Variants in KIAA1549L observed in about 807,000 individuals in gnomAD.
KIAA1549L encodes the protein KIAA1549 like.
KIAA1549L carries 88 observed loss-of-function variants against 160.7 expected under a neutral mutation model. That is an observed-to-expected ratio of 0.55 (90% CI 0.46 to 0.65). KIAA1549L has a LOEUF of 0.65. KIAA1549L is among the 30% of genes least tolerant of loss of function. The probability of loss-of-function intolerance (pLI) is 0.00; values close to 1 mark genes in which losing one functional copy is unlikely to be tolerated. For synonymous variants in KIAA1549L, 950 were observed against 976.7 expected, an observed-to-expected ratio of 0.97 and a Z score of 0.51; for missense variants, 2,258 against 2,437.5, an observed-to-expected ratio of 0.93 and a Z score of 1.55.
At chr11:33,469,547 A>T (rs1026039206) in intron 1 of KIAA1549L, among the ~76,000 whole-genome samples, 10 of 152,160 alleles carry the variant, frequency 6.6e-5, no homozygotes, top group African/African-American at 2.4e-4. Context: ...CTAGGAATGG[A>T]ATTGCTGGAT....
chr11:33,376,872 A>T lies in KIAA1549L; in HGVS notation c.221A>T (p.His74Leu), dbSNP rs146878629. The T allele has an allele frequency of 0.03, 4,500 of 152,238 alleles. 96 individuals carry two copies. The highest frequency in any genetic ancestry group is 0.044 in the Non-Finnish European group (3,028 of 68,072). The allele number at this position is 152,238 out of a possible 1,614,324, so 9.4% of individuals were successfully genotyped here. The change falls in exon 1 of 21, where the codon CAC (histidine) becomes CTC (leucine). Residue 74 changes from histidine to leucine, a missense_variant. Physicochemically the swap from His to Leu is moderately conservative, Grantham distance 99. This residue lies in a region of KIAA1549L where 540 missense variants were observed against 465.7 expected (regional missense o/e 1.16). Transcript: ENST00000658780. This position sits in a 1 kb window ranked among gnomAD's most constrained non-coding sequence, Gnocchi z 5.8. ...GLLLLAALLE[H>L]GQADPGTDNL... is the part of the protein sequence containing the mutation. ...CTGCTGCTGGCGGCCCTCCTGGAGC[A>T]CGGCCAGGCCGACCCGGGTAAGCGC...
At chr11:33,390,326 G>C (rs1023054837) in intron 1 of KIAA1549L, among the ~76,000 whole-genome samples, 2 of 152,168 alleles carry the variant, frequency 1.3e-5, no homozygotes, top group Non-Finnish European at 2.9e-5. Context: ...TTCTTCCTAT[G>C]GCCCAGTTCA....
chr11:33,591,085 C>T (rs746062192), intron 11 of KIAA1549L, among the ~76,000 whole-genome samples, 152 bp from the exon 12 acceptor site: 16 of 152,238 alleles, frequency 1.1e-4, no homozygotes, highest in South Asian at 2.1e-4. Context: ...TTTGAAGAGA[C>T]GGAAATAATG....
At chr11:33,527,198 A>G (rs1445528552) in intron 1 of KIAA1549L, among the ~76,000 whole-genome samples, 2 of 152,218 alleles carry the variant, frequency 1.3e-5, no homozygotes, top group Non-Finnish European at 2.9e-5. Context: ...CGTGTTCCCA[A>G]GAAAGAAGAG....
chr11:33,538,202 C>G (rs893606708), intron 1 of KIAA1549L, among the ~76,000 whole-genome samples: 4 of 152,204 alleles, frequency 2.6e-5, no homozygotes, highest in African/African-American at 9.6e-5. Context: ...ATCCTGAGAA[C>G]AGCGTGGAGG....
intron 11 of KIAA1549L, among the ~76,000 whole-genome samples, chr11:33,589,317 T>C (rs1849975627): frequency 6.6e-6 from 1 of 152,214 alleles, no homozygotes; most frequent in Non-Finnish European, 1.5e-5. Context: ...TTGGTGGGAC[T>C]GTAAACTAGT....
intron 1 of KIAA1549L, among the ~76,000 whole-genome samples, chr11:33,484,584 C>T (rs1852481263): frequency 6.6e-6 from 1 of 152,192 alleles, no homozygotes; most frequent in Admixed American, 6.5e-5. Flanking sequence ...TCCCTAGAGT[C>T]GTTGTGAGAA....
At chr11:33,661,879 CAAAAAA>C (rs59140753) in intron 20 of KIAA1549L, among the ~76,000 whole-genome samples, 1 of 36,300 alleles carries the variant, frequency 2.8e-5, no homozygotes, top group African/African-American at 7.6e-5. Context: ...GACTATGTCT[CAAAAAA>C]AAAAAAAAAA....
chr11:33,559,165 G>A (rs1342783207), intron 6 of KIAA1549L, among the ~76,000 whole-genome samples: 5 of 152,018 alleles, frequency 3.3e-5, no homozygotes, highest in African/African-American at 9.7e-5. Flanking sequence ...ATTAGGTTCT[G>A]TCGCTCTGCC....
intron 12 of KIAA1549L, among the ~76,000 whole-genome samples, chr11:33,595,602 A>ACTTTT (rs1237739875): frequency 3.3e-5 from 5 of 152,044 alleles, no homozygotes; most frequent in African/African-American, 1.2e-4. Flanking sequence ...TGTAAGAGAA[A>ACTTTT]CCTCCTCTCT....
Position 33,660,902 on chromosome 11 carries a change from A to G in KIAA1549L, c.6047A>G (p.Asn2016Ser). 1 of 1,613,778 alleles carries G rather than the reference A, an allele frequency of 6.2e-7. No individual in the cohort carries two copies. The highest frequency in any genetic ancestry group is 8.5e-7 in the Non-Finnish European group (1 of 1,179,828). The change falls in exon 20 of 21, where the codon AAC becomes AGC. Residue 2016 changes from asparagine (N) to serine (S), a missense_variant. This residue lies in a region of KIAA1549L where 1,359 missense variants were observed against 1,546.6 expected (regional missense o/e 0.88). Coordinates refer to ENST00000658780, the MANE Select transcript of KIAA1549L (RefSeq NM_012194.3). ...GCAGTGTTCGCCATCCCAGCTGCCAACAGACCTGGCTTCACCGGCTACTTC... is the reference window on the plus strand; with the variant it reads ...GCAGTGTTCGCCATCCCAGCTGCCAGCAGACCTGGCTTCACCGGCTACTTC... ...VPAVFAIPAA[N>S]RPGFTGYFIP...
intron 16 of KIAA1549L, among the ~76,000 whole-genome samples, chr11:33,623,530 G>C (rs1007067956): frequency 8.5e-5 from 13 of 152,190 alleles, no homozygotes; most frequent in Admixed American, 6.5e-4. Context: ...TAATCCAAGA[G>C]AAATATCTGC....
At chr11:33,406,199 C>T (rs952952472) in intron 1 of KIAA1549L, among the ~76,000 whole-genome samples, 1 of 152,178 alleles carries the variant, frequency 6.6e-6, no homozygotes. Context: ...ATGTTGCTCC[C>T]CCCAAAACTG....
intron 1 of KIAA1549L, among the ~76,000 whole-genome samples, chr11:33,400,084 A>G (rs2134063507): frequency 6.6e-6 from 1 of 152,358 alleles, no homozygotes; most frequent in South Asian, 2.1e-4. Context: ...TTAATAGAAA[A>G]ATAATTTCTA....
At chr11:33,469,465 A>G (rs185557916) in intron 1 of KIAA1549L, among the ~76,000 whole-genome samples, 25 of 152,298 alleles carry the variant, frequency 1.6e-4, no homozygotes, top group Non-Finnish European at 3.5e-4. Context: ...GCTTTTGTGA[A>G]TAATGCTGTG....
intron 10 of KIAA1549L, among the ~76,000 whole-genome samples, chr11:33,575,393 G>A (rs890072574): frequency 3.9e-5 from 6 of 152,300 alleles, no homozygotes; most frequent in Non-Finnish European, 8.8e-5. Context: ...AGGGGCATCT[G>A]GAAAGAGTGA....
chr11:33,400,109 G>T (rs990944088), intron 1 of KIAA1549L, among the ~76,000 whole-genome samples: 1 of 152,154 alleles, frequency 6.6e-6, no homozygotes, highest in Non-Finnish European at 1.5e-5. Context: ...AGTCTTGTTA[G>T]CTTCTGACCT....
intron 1 of KIAA1549L, among the ~76,000 whole-genome samples, chr11:33,430,720 T>A (rs1851220354): frequency 6.6e-6 from 1 of 152,222 alleles, no homozygotes; most frequent in Non-Finnish European, 1.5e-5. Context: ...ATGGTCATGT[T>A]CTAGGACCAA....
chr11:33,655,932 C>T (rs980904152), intron 17 of KIAA1549L, 80 bp from the exon 18 acceptor site: 2 of 947,180 alleles, frequency 2.1e-6, no homozygotes, highest in African/African-American at 1.6e-5. Context: ...AGTTTGCTTC[C>T]TCCTCAAACA....
Sources: allele counts gnomAD v4.1 joint callset (sites outside exome capture counted in the v4.1 genomes callset), GRCh38; gene constraint gnomAD v4.1.1; regional missense constraint gnomAD v4.1.1; non-coding constraint Gnocchi (gnomAD v3.1); transcripts MANE v1.5; gene names NCBI Gene and HGNC (gene_info 2026-07-23, HGNC 2026-07-21).